The following POU6F2 variants were observed in gnomAD, a reference collection of about 807,000 sequenced individuals.
The protein encoded by POU6F2 is POU class 6 homeobox 2.
In POU6F2, 31 loss-of-function variants were observed where a neutral mutation model predicts 71.3. The observed-to-expected ratio is 0.43, with a 90% confidence interval of 0.33 to 0.59. The LOEUF is 0.59. Ranked by LOEUF, POU6F2 falls within the 20% of genes least tolerant of loss-of-function variation. The pLI, the probability that POU6F2 is intolerant of heterozygous loss-of-function variation, is 0.04. For synonymous variants in POU6F2, 347 were observed against 355.7 expected, an observed-to-expected ratio of 0.98 and a Z score of 0.27; for missense variants, 783 against 856.8, an observed-to-expected ratio of 0.91 and a Z score of 1.07.
chr7:39,117,237 G>A (rs1584551010), intron 2 of POU6F2, among the ~76,000 whole-genome samples: 1 of 152,154 alleles, frequency 6.6e-6, no homozygotes, highest in African/African-American at 2.4e-5. Context: ...TCAGCTTGGG[G>A]TGTCGAGCAA....
At chr7:39,165,795 T>C (rs570692046) in intron 2 of POU6F2, among the ~76,000 whole-genome samples, 89 of 152,178 alleles carry the variant, frequency 5.8e-4, no homozygotes, top group African/African-American at 2.1e-3. Flanking sequence ...TCAAGGTGAA[T>C]AAAAATCCAG....
At chr7:39,106,835 A>C (rs2128724739) in intron 2 of POU6F2, among the ~76,000 whole-genome samples, 1 of 152,236 alleles carries the variant, frequency 6.6e-6, no homozygotes, top group East Asian at 1.9e-4. Flanking sequence ...TTGATTCCTC[A>C]CCAAATCTGA....
chr7:39,100,098 G>A (rs1477104088), intron 2 of POU6F2, among the ~76,000 whole-genome samples: 2 of 152,164 alleles, frequency 1.3e-5, no homozygotes, highest in Non-Finnish European at 2.9e-5. Context: ...TTAGGCATGG[G>A]AACATGCCTT....
intron 6 of POU6F2, among the ~76,000 whole-genome samples, chr7:39,417,240 A>G (rs1363855419): frequency 6.6e-6 from 1 of 152,210 alleles, no homozygotes; most frequent in East Asian, 1.9e-4. Context: ...CATATGCCCA[A>G]TAATGCACCC....
chr7:39,330,110 C>T (rs1367065084), intron 4 of POU6F2, among the ~76,000 whole-genome samples: 1 of 152,194 alleles, frequency 6.6e-6, no homozygotes, highest in African/African-American at 2.4e-5. Flanking sequence ...TCACATTTAA[C>T]CGTTTCTGGT....
chr7:39,096,928 C>T (rs972053428), intron 2 of POU6F2, among the ~76,000 whole-genome samples: 2 of 152,054 alleles, frequency 1.3e-5, no homozygotes, highest in East Asian at 3.8e-4. Context: ...AGCAAAATTG[C>T]ACAACTGTGC....
intron 1 of POU6F2, among the ~76,000 whole-genome samples, chr7:39,070,514 G>A (rs942181966): frequency 4.0e-5 from 6 of 151,802 alleles, no homozygotes; most frequent in South Asian, 2.1e-4. Context: ...TAAATTCCAC[G>A]TCCTTGCAAT....
At chr7:39,285,758 CA>C (rs763398631) in intron 4 of POU6F2, among the ~76,000 whole-genome samples, 11 of 152,182 alleles carry the variant, frequency 7.2e-5, no homozygotes, top group Non-Finnish European at 1.2e-4. Flanking sequence ...TGGCTTTACA[CA>C]AGATGCTGAA....
intron 2 of POU6F2, among the ~76,000 whole-genome samples, chr7:39,137,053 A>G (rs1188579405): frequency 6.6e-6 from 1 of 151,744 alleles, no homozygotes; most frequent in East Asian, 1.9e-4. Flanking sequence ...TGTTCCTTAC[A>G]ACATTGTTAA....
intron 2 of POU6F2, among the ~76,000 whole-genome samples, chr7:39,203,257 C>T (rs1175732986): frequency 2.0e-5 from 3 of 152,090 alleles, no homozygotes; most frequent in African/African-American, 4.8e-5. Context: ...CATGGCATGC[C>T]GGTAAACAGG....
chr7:39,418,935 ATG>A (rs535054122), intron 6 of POU6F2, among the ~76,000 whole-genome samples: 1 of 139,430 alleles, frequency 7.2e-6, no homozygotes, highest in Admixed American at 7.2e-5. Context: ...ATATGTATAT[ATG>A]TGTATATATG....
chr7:39,148,470 T>C (rs949993226), intron 2 of POU6F2, among the ~76,000 whole-genome samples: 2 of 152,028 alleles, frequency 1.3e-5, no homozygotes, highest in African/African-American at 4.8e-5. Flanking sequence ...GACACTGATT[T>C]TGGATATCCT....
At chr7:39,143,773 A>G (rs956306961) in intron 2 of POU6F2, among the ~76,000 whole-genome samples, 5 of 152,218 alleles carry the variant, frequency 3.3e-5, no homozygotes, top group Non-Finnish European at 7.3e-5. Flanking sequence ...GGGTAAAAGG[A>G]GGAACTTTAT....
chr7:39,329,208 A>G (rs1030253022), intron 4 of POU6F2: 1 of 149,004 alleles, frequency 6.7e-6, no homozygotes, highest in African/African-American at 2.4e-5. Context: ...ATAAAATATA[A>G]TTACATGGTA....
chr7:39,107,370 A>T (rs1212365350), intron 2 of POU6F2, among the ~76,000 whole-genome samples: 3 of 152,160 alleles, frequency 2.0e-5, no homozygotes, highest in Non-Finnish European at 4.4e-5. Flanking sequence ...TGAGCTCTTC[A>T]TATTAAAAAA....
At chr7:39,410,329 A>G (rs1231175453) in intron 6 of POU6F2, among the ~76,000 whole-genome samples, 1 of 152,206 alleles carries the variant, frequency 6.6e-6, no homozygotes, top group Non-Finnish European at 1.5e-5. Flanking sequence ...AAATAAAATC[A>G]TAAAGTACAT....
chr7:39,227,365 G>C (rs924653103), intron 4 of POU6F2, among the ~76,000 whole-genome samples: 5 of 151,784 alleles, frequency 3.3e-5, no homozygotes, highest in Non-Finnish European at 7.4e-5. Flanking sequence ...GTCATTTCAG[G>C]AAGTTAAAAT....
At chr7:38,989,379 T>G (rs1362452785) in intron 1 of POU6F2, among the ~76,000 whole-genome samples, 1 of 152,002 alleles carries the variant, frequency 6.6e-6, no homozygotes, top group Non-Finnish European at 1.5e-5. Context: ...TAATTAAAAC[T>G]ATTCTTTTAT....
chr7:39,069,917 CA>C (rs1790839930), intron 1 of POU6F2, among the ~76,000 whole-genome samples: 1 of 152,150 alleles, frequency 6.6e-6, no homozygotes, highest in South Asian at 2.1e-4. Flanking sequence ...CCTTGTGGTG[CA>C]GACCTGTGTA....
Sources: allele counts gnomAD v4.1 joint callset (sites outside exome capture counted in the v4.1 genomes callset), GRCh38; gene constraint gnomAD v4.1.1; transcripts MANE v1.5; gene names NCBI Gene and HGNC (gene_info 2026-07-23, HGNC 2026-07-21).